Variants in CTNND2 observed in about 807,000 individuals in gnomAD.
CTNND2 encodes the protein catenin delta-2.
A neutral mutation model predicts 144.4 loss-of-function variants in CTNND2; 22 were observed. The observed-to-expected ratio is 0.15, with a 90% CI of 0.11 to 0.22. The LOEUF (loss-of-function observed/expected upper bound fraction) is 0.22. CTNND2 is among the 10% of genes least tolerant of loss of function. CTNND2 has a pLI of 1.00. For missense variants in CTNND2, 1,353 were observed against 1,618.8 expected, an observed-to-expected ratio of 0.84 and a Z score of 2.82; for synonymous variants, 751 against 695.6, an observed-to-expected ratio of 1.08 and a Z score of -1.25.
At chr5:11,337,757 GCATTATTGGGGACCTTAAAATTCATT>G (rs1484245903) in intron 9 of CTNND2, among the ~76,000 whole-genome samples, 1 of 151,990 alleles carries the variant, frequency 6.6e-6, no homozygotes, top group Non-Finnish European at 1.5e-5. Flanking sequence ...ACTGTACTTA[GCATTATTGGGGACCTTAAAATTCATT>G]AAGTTCTGAC....
chr5:11,512,475 C>T (rs1424612852), intron 3 of CTNND2, among the ~76,000 whole-genome samples: 1 of 152,218 alleles, frequency 6.6e-6, no homozygotes, highest in African/African-American at 2.4e-5. Context: ...AGCACAAATT[C>T]CCATGCATCT....
chr5:11,771,338 GC>G (rs1406351599), intron 1 of CTNND2, among the ~76,000 whole-genome samples: 3 of 151,972 alleles, frequency 2.0e-5, no homozygotes, highest in African/African-American at 7.2e-5. Flanking sequence ...TGGTCAGGCT[GC>G]CCTTGAACTC....
chr5:11,797,186 T>C (rs564758106), intron 1 of CTNND2, among the ~76,000 whole-genome samples: 1 of 152,164 alleles, frequency 6.6e-6, no homozygotes, highest in Non-Finnish European at 1.5e-5. Flanking sequence ...AGGAAAAGAC[T>C]TTAAAAGTCT....
Position 11,586,437 on chromosome 5 carries a change from C to T in CTNND2, c.175-21381G>A, listed in dbSNP as rs562138515. Among the ~76,000 whole-genome samples the T allele has an allele frequency of 5.3e-5, 8 of 152,254 alleles. No individual in the cohort carries two copies. The South Asian group carries it at 1.0e-3, about 20-fold the overall frequency. The stretch of plus-strand genomic sequence containing the variant: ...AACATTTGTTGAATACAAGACATTT[C>T]GAATGCAAAATATAAGACTTCTAAA... On this transcript the variant is annotated intron_variant, in intron 2 of 21. Transcript: ENST00000304623.
At chr5:11,876,920 A>G (rs1735610414) in intron 1 of CTNND2, among the ~76,000 whole-genome samples, 1 of 152,206 alleles carries the variant, frequency 6.6e-6, no homozygotes, top group Admixed American at 6.5e-5. Context: ...GTTAATTATG[A>G]CAGTTAAGAC....
At chr5:11,174,117 T>G (rs1760229073) in intron 11 of CTNND2, among the ~76,000 whole-genome samples, 1 of 151,434 alleles carries the variant, frequency 6.6e-6, no homozygotes, top group Non-Finnish European at 1.5e-5. Flanking sequence ...AGCACAGAGG[T>G]GAGGAACACT....
chr5:11,411,526 C>G lies in CTNND2; in HGVS notation c.439+10G>C, dbSNP rs375686415. ...CAACTATCTTCAAGCATAACTGCCA[C>G]GTGACTTACTTTCACCTGTAGAATA... On this transcript the variant is annotated intron_variant, in intron 5 of 21. Coordinates refer to ENST00000304623, the MANE Select transcript of CTNND2 (RefSeq NM_001332.4). 4.3e-6 allele frequency: 6 copies of G among 1,395,406 alleles called. No individual in the cohort carries two copies. Among genetic ancestry groups the G allele is most frequent in the Admixed American group, 1.7e-5 (1 of 57,284 alleles). 86.4% of individuals were successfully genotyped at this position (1,395,406 alleles called of 1,614,324 possible).
intron 12 of CTNND2, among the ~76,000 whole-genome samples, chr5:11,131,368 G>T (rs1755574531): frequency 6.6e-6 from 1 of 152,266 alleles, no homozygotes; most frequent in South Asian, 2.1e-4. Flanking sequence ...TAAGAAGTAG[G>T]GGAACAGAAC....
At chr5:11,398,443 T>A (rs1211115172) in intron 5 of CTNND2, among the ~76,000 whole-genome samples, 1 of 152,202 alleles carries the variant, frequency 6.6e-6, no homozygotes, top group Non-Finnish European at 1.5e-5. Flanking sequence ...TCCCTCTGAT[T>A]TTCTGATGGA....
chr5:11,692,213 G>A (rs1337089140), intron 2 of CTNND2, among the ~76,000 whole-genome samples: 1 of 152,098 alleles, frequency 6.6e-6, no homozygotes, highest in Non-Finnish European at 1.5e-5. Context: ...TTAATTCTGG[G>A]CACATAACTA....
chr5:11,050,430 AAAACT>A (rs1335603738), intron 16 of CTNND2, among the ~76,000 whole-genome samples: 1 of 152,254 alleles, frequency 6.6e-6, no homozygotes, highest in Non-Finnish European at 1.5e-5. Flanking sequence ...CAGAAGGAGA[AAAACT>A]AATAATAGAT....
rs762036774 is a variant in CTNND2, at chr5:11,526,171, G to A, written c.287+38773C>T. Among the ~76,000 whole-genome samples, 18 of 152,152 alleles carry A rather than the reference G, an allele frequency of 1.2e-4. No individual in the cohort carries two copies. The South Asian group carries it at 2.9e-3, about 25-fold the overall frequency. On this transcript the variant is annotated intron_variant, in intron 3 of 21. Coordinates refer to ENST00000304623, the MANE Select transcript of CTNND2 (RefSeq NM_001332.4). ...CTCGCCTCAGCTTCCCAAAGTGCTG[G>A]GATTACAGACATGAGCCACCATGCC...
chr5:11,649,301 C>T lies in CTNND2; in HGVS notation c.174+82835G>A, dbSNP rs1204250214. ...TAACATACCACTTTCATTAAAGAAA[C>T]AAACTTATTTTGTTATTTTTATTTT... On this transcript the variant is annotated intron_variant, in intron 2 of 21. Coordinates refer to ENST00000304623, the MANE Select transcript of CTNND2 (RefSeq NM_001332.4). Among the ~76,000 whole-genome samples, 7 of 152,034 alleles carry T rather than the reference C, an allele frequency of 4.6e-5. No individual in the cohort carries two copies. The East Asian group carries it at 1.3e-3, about 29-fold the overall frequency.
At chr5:11,833,059 G>A (rs1397304938) in intron 1 of CTNND2, among the ~76,000 whole-genome samples, 2 of 152,210 alleles carry the variant, frequency 1.3e-5, no homozygotes, top group Non-Finnish European at 2.9e-5. Flanking sequence ...AAATGGAAAA[G>A]TGGATGGCAA....
At chr5:11,393,735 G>A (rs745611012) in intron 6 of CTNND2, among the ~76,000 whole-genome samples, 2 of 152,132 alleles carry the variant, frequency 1.3e-5, no homozygotes, top group Non-Finnish European at 1.5e-5. Context: ...CATCGTTCTC[G>A]CTCTTGCAGC....
intron 11 of CTNND2, among the ~76,000 whole-genome samples, chr5:11,162,619 CT>C (rs1294315574): frequency 6.6e-6 from 1 of 152,102 alleles, no homozygotes. Context: ...CTTATTACAA[CT>C]GCAATGAATC....
At chr5:11,771,118 G>C (rs1198793176) in intron 1 of CTNND2, among the ~76,000 whole-genome samples, 6 of 151,678 alleles carry the variant, frequency 4.0e-5, no homozygotes, top group Non-Finnish European at 8.8e-5. Context: ...AAAAAGGAAA[G>C]GGGTCCAAAT....
intron 2 of CTNND2, among the ~76,000 whole-genome samples, chr5:11,630,663 T>C (rs994086933): frequency 6.6e-6 from 1 of 152,116 alleles, no homozygotes; most frequent in Admixed American, 6.6e-5. Flanking sequence ...TATCTTGCTG[T>C]CAAATAACCC....
intron 1 of CTNND2, among the ~76,000 whole-genome samples, chr5:11,818,258 T>C (rs1793123046): frequency 6.6e-6 from 1 of 152,160 alleles, no homozygotes; most frequent in South Asian, 2.1e-4. Context: ...ATTAATTCAT[T>C]AACTAAATGC....
Sources: gnomAD v4.1 joint callset for allele counts (sites outside exome capture counted in the v4.1 genomes callset) on GRCh38, gnomAD v4.1.1 for gene constraint, MANE v1.5 for transcripts, NCBI Gene and HGNC (gene_info 2026-07-23, HGNC 2026-07-21) for gene names.